NALCN: variants seen among roughly 807,000 people sequenced by gnomAD.
NALCN encodes sodium leak channel NALCN.
A neutral mutation model predicts 225.3 loss-of-function variants in NALCN; 111 were observed. That is an observed-to-expected ratio of 0.49 (90% CI 0.42 to 0.58). NALCN has a LOEUF of 0.58. NALCN is among the 20% of genes least tolerant of loss of function. The pLI is 0.00. For missense variants in NALCN, 1,378 were observed against 2,202.4 expected, an observed-to-expected ratio of 0.63 and a Z score of 7.49; for synonymous variants, 764 against 769.0, an observed-to-expected ratio of 0.99 and a Z score of 0.11.
intron 13 of NALCN, among the ~76,000 whole-genome samples, chr13:101,204,391 T>C (rs2040237751): frequency 6.6e-6 from 1 of 152,168 alleles, no homozygotes; most frequent in African/African-American, 2.4e-5. Context: ...TCCCAAAATA[T>C]GCTTGTTGCC....
intron 40 of NALCN, among the ~76,000 whole-genome samples, chr13:101,063,195 G>A (rs1054737101): frequency 6.6e-6 from 1 of 152,210 alleles, no homozygotes; most frequent in Non-Finnish European, 1.5e-5. Context: ...TGTGAGCTCA[G>A]TTCCATCCTA....
chr13:101,285,106 A>G (rs1034776294), intron 9 of NALCN, among the ~76,000 whole-genome samples: 5 of 152,102 alleles, frequency 3.3e-5, no homozygotes, highest in African/African-American at 1.2e-4. Context: ...CTGTATTCGA[A>G]GGGGTAACTG....
At position 101,127,546 on chromosome 13, in the gene NALCN, C is replaced by T. The variant is rs186999736; in HGVS notation, c.2119-2865G>A. ...CTAATTTTTGTATTTTTAGTAGAGA[C>T]GAGGTTTCACCATGTTGGCCAGGCT... On this transcript the variant is annotated intron_variant, in intron 17 of 43. Coordinates refer to ENST00000251127, the MANE Select transcript of NALCN (RefSeq NM_052867.4). Among the ~76,000 whole-genome samples, 476 of 152,014 alleles carry T rather than the reference C, an allele frequency of 3.1e-3. 4 individuals are homozygous for T. The highest frequency in any genetic ancestry group is 0.011 in the African/African-American group (438 of 41,466).
chr13:101,127,419 T>C (rs557393346), intron 17 of NALCN, among the ~76,000 whole-genome samples: 2 of 152,264 alleles, frequency 1.3e-5, no homozygotes, highest in South Asian at 2.1e-4. Context: ...AGGGCAGTGG[T>C]GTGATCCCGG....
chr13:101,346,767 T>C (rs1566601160), intron 6 of NALCN, among the ~76,000 whole-genome samples: 2 of 152,182 alleles, frequency 1.3e-5, no homozygotes, highest in South Asian at 2.1e-4. Flanking sequence ...ACTCTCATTC[T>C]GGGTTGACCT....
chr13:101,367,113 CTTT>C (rs1219423425), intron 6 of NALCN, among the ~76,000 whole-genome samples: 3 of 151,544 alleles, frequency 2.0e-5, no homozygotes, highest in Non-Finnish European at 2.9e-5. Context: ...GACAGAATTT[CTTT>C]TTTTATTTTT....
intron 17 of NALCN, 98 bp downstream of exon 17, chr13:101,142,982 T>G (rs761480895): frequency 1.3e-5 from 18 of 1,403,170 alleles, no homozygotes; most frequent in Non-Finnish European, 1.7e-5. Flanking sequence ...ATTATTCTCT[T>G]GAGAAATTGG....
Position 101,378,593 on chromosome 13 carries a change from G to A in NALCN, c.352C>T (p.Leu118Phe). 1 of 1,608,256 alleles carries A rather than the reference G, an allele frequency of 6.2e-7. No individual in the cohort carries two copies. The highest frequency in any genetic ancestry group is 1.1e-5 in the South Asian group (1 of 89,916). ...CVFDGFMVFC[L>F]WVSLVLQVFE... ...ACCTGTAGCACCAAAGAAACCCAAAGGCAAAAGACCATAAATCCATCAAAA... is the reference window on the plus strand; with the variant it reads ...ACCTGTAGCACCAAAGAAACCCAAAAGCAAAAGACCATAAATCCATCAAAA... The change falls in exon 4 of 44, where the codon CTT becomes TTT. Residue 118 changes from leucine (L) to phenylalanine (F), a missense_variant. Transcript: ENST00000251127.
At chr13:101,412,731 T>A (rs1170250955) in intron 1 of NALCN, among the ~76,000 whole-genome samples, 1 of 152,216 alleles carries the variant, frequency 6.6e-6, no homozygotes, top group Non-Finnish European at 1.5e-5. Flanking sequence ...CAGAAAAGCC[T>A]TGGATTCTGC....
intron 6 of NALCN, among the ~76,000 whole-genome samples, chr13:101,352,863 T>G (rs9557622): frequency 0.44 from 67,451 of 152,000 alleles, 15,334 homozygotes; most frequent in Admixed American, 0.54. Flanking sequence ...GGCTAAGGAT[T>G]ACTTCTTGGT....
intron 15 of NALCN, among the ~76,000 whole-genome samples, chr13:101,165,770 C>T (rs1003091655): frequency 2.0e-4 from 31 of 152,238 alleles, no homozygotes; most frequent in African/African-American, 7.5e-4. Flanking sequence ...GCCACCACGC[C>T]TAGCCCCATC....
Position 101,111,078 on chromosome 13 carries a change from C to A in NALCN, c.2294+47G>T, listed in dbSNP as rs117026043. The stretch of plus-strand genomic sequence containing the variant: ...TGTACAGCGACCATTTCCTGTAAAA[C>A]CCCCCTTTTTTAGAGTCTCTGAAGC... On this transcript the variant is annotated intron_variant, in intron 19 of 43. Coordinates refer to ENST00000251127, the MANE Select transcript of NALCN (RefSeq NM_052867.4). 0.014 allele frequency: 22,374 copies of A among 1,560,862 alleles called. 212 individuals carry two copies. The highest frequency in any genetic ancestry group is 0.03 in the Middle Eastern group (174 of 5,894).
intron 17 of NALCN, among the ~76,000 whole-genome samples, chr13:101,125,888 T>C (rs1174520453): frequency 6.6e-6 from 1 of 152,216 alleles, no homozygotes; most frequent in Non-Finnish European, 1.5e-5. Flanking sequence ...AGCCAGATCT[T>C]GAAACCAGGC....
At chr13:101,237,089 C>T (rs9557601) in intron 12 of NALCN, among the ~76,000 whole-genome samples, 57,902 of 151,440 alleles carry the variant, frequency 0.38, 12,143 homozygotes, top group East Asian at 0.59. Context: ...GGACAGTGAG[C>T]GTGTTGCTAT....
At position 101,376,858 on chromosome 13, in the gene NALCN, A is replaced by G. The variant is rs1221870744; in HGVS notation, c.516-30T>C. ...AGAAACAAAAGTAGGTAAAGTACAT[A>G]AAACTTACAAAAAACTTCATAAACT... is the stretch of plus-strand genomic sequence containing the variant. On this transcript the variant is annotated intron_variant, in intron 5 of 43. Transcript: ENST00000251127. 1.9e-6 allele frequency: 3 copies of G among 1,612,954 alleles called. No homozygotes were observed. In the East Asian group the frequency reaches 6.7e-5, roughly 36 times the overall value.
intron 43 of NALCN, chr13:101,057,113 CT>C (rs1862791263): frequency 6.6e-6 from 1 of 152,250 alleles, no homozygotes; most frequent in South Asian, 2.1e-4. Flanking sequence ...TACACATCTT[CT>C]CCTTTCAATT....
intron 6 of NALCN, chr13:101,373,045 G>A: frequency 2.6e-6 from 1 of 386,264 alleles, no homozygotes; most frequent in Admixed American, 3.1e-5. Context: ...TAATCAGAGG[G>A]CATTTGTATA....
At chr13:101,206,580 T>C (rs1290914854) in intron 13 of NALCN, among the ~76,000 whole-genome samples, 4 of 136,572 alleles carry the variant, frequency 2.9e-5, no homozygotes, top group Non-Finnish European at 5.2e-5. Context: ...ATAGTTTTTT[T>C]CTCACTGATG....
intron 13 of NALCN, among the ~76,000 whole-genome samples, chr13:101,209,274 T>C (rs1015736169): frequency 1.3e-5 from 2 of 152,180 alleles, no homozygotes; most frequent in African/African-American, 4.8e-5. Flanking sequence ...ATTAATAACA[T>C]CCAGAAAAAT....
Sources: gnomAD v4.1 joint callset for allele counts (sites outside exome capture counted in the v4.1 genomes callset) on GRCh38, gnomAD v4.1.1 for gene constraint, MANE v1.5 for transcripts, NCBI Gene and HGNC (gene_info 2026-07-23, HGNC 2026-07-21) for gene names.